The following ARSB variants were observed in gnomAD, a reference collection of about 807,000 sequenced individuals.
The protein encoded by ARSB is arylsulfatase B.
Under a neutral mutation model 50.9 loss-of-function variants are expected in ARSB, and 41 were observed. The observed-to-expected ratio is 0.81, with a 90% CI of 0.63 to 1.04. The LOEUF is 1.04. ARSB is among the 50% of genes least tolerant of loss of function. ARSB has a pLI of 0.00. For missense variants in ARSB, 672 were observed against 693.3 expected, an observed-to-expected ratio of 0.97 and a Z score of 0.35; for synonymous variants, 269 against 284.8, an observed-to-expected ratio of 0.94 and a Z score of 0.56.
At chr5:78,914,523 A>G (rs903808882) in intron 4 of ARSB, among the ~76,000 whole-genome samples, 4 of 152,328 alleles carry the variant, frequency 2.6e-5, no homozygotes, top group African/African-American at 7.2e-5. Flanking sequence ...TTATTTAACA[A>G]TATAAAAGAA....
chr5:78,954,671 A>AT, intron 4 of ARSB, among the ~76,000 whole-genome samples: 1 of 152,004 alleles, frequency 6.6e-6, no homozygotes, highest in Non-Finnish European at 1.5e-5. Flanking sequence ...TGCCCGGCTA[A>AT]TTTTTGCATT....
chr5:78,781,437 G>A (rs1327985352), intron 7 of ARSB, among the ~76,000 whole-genome samples: 1 of 144,484 alleles, frequency 6.9e-6, no homozygotes, highest in Non-Finnish European at 1.5e-5. Flanking sequence ...TTGTTACTTC[G>A]GTAAGCTTCT....
chr5:78,949,126 C>A (rs1561521072), intron 4 of ARSB, among the ~76,000 whole-genome samples: 1 of 152,168 alleles, frequency 6.6e-6, no homozygotes, highest in Non-Finnish European at 1.5e-5. Flanking sequence ...CCAGACAGCG[C>A]ACTGAGAATA....
At position 78,865,173 on chromosome 5, in the gene ARSB, C is replaced by T. The variant is rs576446623; in HGVS notation, c.1142+20411G>A. ...CCATCCTGCCCTAGCAGAGGTTCTC[C>T]GTGAGTATCCCACCCCTGCAGCAAA... is the stretch of plus-strand genomic sequence containing the variant. On this transcript the variant is annotated intron_variant, in intron 5 of 7. Transcript: ENST00000264914. Among the ~76,000 whole-genome samples the T allele has an allele frequency of 5.3e-5, 8 of 152,336 alleles. No homozygotes were observed. The East Asian group carries it at 5.8e-4, about 11-fold the overall frequency.
At chr5:78,940,292 C>A (rs192706802) in intron 4 of ARSB, among the ~76,000 whole-genome samples, 15 of 152,274 alleles carry the variant, frequency 9.9e-5, no homozygotes, top group African/African-American at 3.6e-4. Context: ...TTAATTAGAT[C>A]CCATTTGTCT....
chr5:78,977,419 G>A (rs1201979862), intron 1 of ARSB, among the ~76,000 whole-genome samples: 1 of 152,176 alleles, frequency 6.6e-6, no homozygotes. Flanking sequence ...CTCCCAAAGT[G>A]CTGGGATTAC....
intron 3 of ARSB, among the ~76,000 whole-genome samples, chr5:78,962,770 G>A (rs973390014): frequency 6.6e-6 from 1 of 152,070 alleles, no homozygotes; most frequent in Non-Finnish European, 1.5e-5. Context: ...ACATTTGATA[G>A]TGTAAATATA....
intron 4 of ARSB, among the ~76,000 whole-genome samples, chr5:78,935,815 C>A (rs943828677): frequency 6.6e-6 from 1 of 151,962 alleles, no homozygotes; most frequent in African/African-American, 2.4e-5. Flanking sequence ...AGTATCTTAC[C>A]CAAGATTGCA....
Position 78,950,245 on chromosome 5 carries a change from A to G in ARSB, c.898+5050T>C, listed in dbSNP as rs140147659. ...GAACAAGATGAAACCCCATCACAAC[A>G]TAAGAAACCAAGATGGACAGACAGC... On this transcript the variant is annotated intron_variant, in intron 4 of 7. Coordinates refer to ENST00000264914, the MANE Select transcript of ARSB (RefSeq NM_000046.5). Among the ~76,000 whole-genome samples, 745 of 152,300 alleles carry G rather than the reference A, an allele frequency of 4.9e-3. 4 individuals are homozygous for G. The highest frequency in any genetic ancestry group is 0.017 in the African/African-American group (716 of 41,564).
At chr5:78,822,629 GT>G in intron 6 of ARSB, among the ~76,000 whole-genome samples, 1 of 152,078 alleles carries the variant, frequency 6.6e-6, no homozygotes, top group South Asian at 2.1e-4. Context: ...TTCTAATCCT[GT>G]TTTTTTCTTC....
Position 78,885,666 on chromosome 5 carries a change from G to C in ARSB, c.1060C>G (p.Leu354Val). The change falls in exon 5 of 8, where the codon CTG (leucine) becomes GTG (valine). Residue 354 changes from leucine to valine, a missense_variant. By Grantham distance (32) the Leu-to-Val change is conservative. Coordinates refer to ENST00000264914, the MANE Select transcript of ARSB (RefSeq NM_000046.5). The part of the protein sequence containing the change: ...NRELIHISDW[L>V]PTLVKLARGH... Reference sequence around the variant, plus strand: ...CTGGCCAGCTTCACGAGTGTTGGCAGCCAGTCAGAGATGTGGATGAGCTCC... The same window carrying C: ...CTGGCCAGCTTCACGAGTGTTGGCACCCAGTCAGAGATGTGGATGAGCTCC... 5.0e-6 allele frequency: 8 copies of C among 1,614,094 alleles called. No individual in the cohort carries two copies. The highest frequency in any genetic ancestry group is 6.8e-6 in the Non-Finnish European group (8 of 1,180,024).
rs562680181 is a variant in ARSB at position 78,813,355 on chromosome 5, C to T, written c.1213+26001G>A. On this transcript the variant is annotated intron_variant, in intron 6 of 7. Coordinates refer to ENST00000264914, the MANE Select transcript of ARSB (RefSeq NM_000046.5). ...CTGAGTTTACAGGTGTGATCCACCA[C>T]GCCCAGCCAATATATTTTCATGAAC... Among the ~76,000 whole-genome samples, 497 of 152,322 alleles carry T rather than the reference C, an allele frequency of 3.3e-3. 2 individuals carry two copies. Among genetic ancestry groups the T allele is most frequent in the Admixed American group, 5.2e-3 (80 of 15,304 alleles).
chr5:78,848,154 T>G (rs1022189426), intron 5 of ARSB, among the ~76,000 whole-genome samples: 21 of 150,780 alleles, frequency 1.4e-4, no homozygotes, highest in Admixed American at 3.3e-4. Flanking sequence ...TGCCATGCTG[T>G]TGTGCTGCAC....
rs999670442 is a variant in ARSB, at chr5:78,915,679, A to AT, written c.899-29853dup. ...GGACCAGAAGTGTTTGGGATTTAAA[A>AT]TTTTTTTTGTGGGATATTTGCATAT... On this transcript the variant is annotated intron_variant, in intron 4 of 7. Transcript: ENST00000264914. Among the ~76,000 whole-genome samples, 3 of 152,172 alleles carry AT rather than the reference A, an allele frequency of 2.0e-5. 1 individual carries two copies. The highest frequency in any genetic ancestry group is 6.8e-3 in the Middle Eastern group (2 of 294).
At chr5:78,919,915 T>C (rs1749721061) in intron 4 of ARSB, among the ~76,000 whole-genome samples, 1 of 152,172 alleles carries the variant, frequency 6.6e-6, no homozygotes, top group Non-Finnish European at 1.5e-5. Context: ...GGCTTTCCAA[T>C]AAGGCAAACA....
chr5:78,860,984 C>T (rs1201335441), intron 5 of ARSB, among the ~76,000 whole-genome samples: 2 of 152,210 alleles, frequency 1.3e-5, no homozygotes, highest in African/African-American at 2.4e-5. Flanking sequence ...CTACAAACAC[C>T]TCTATGCAAA....
chr5:78,889,867 C>T (rs1327419098), intron 4 of ARSB, among the ~76,000 whole-genome samples: 1 of 152,190 alleles, frequency 6.6e-6, no homozygotes, highest in Non-Finnish European at 1.5e-5. Context: ...CATCCCTGTG[C>T]ATGCTTCAGC....
At chr5:78,913,184 G>A (rs1749383982) in intron 4 of ARSB, among the ~76,000 whole-genome samples, 1 of 151,706 alleles carries the variant, frequency 6.6e-6, no homozygotes, top group Non-Finnish European at 1.5e-5. Context: ...GAGTGCAGTG[G>A]CGCGATCTCC....
At chr5:78,938,973 T>C (rs1231604812) in intron 4 of ARSB, among the ~76,000 whole-genome samples, 2 of 152,212 alleles carry the variant, frequency 1.3e-5, no homozygotes, top group African/African-American at 4.8e-5. Flanking sequence ...GCACTGCAGA[T>C]GCCTGTTCAC....
Sources: gnomAD v4.1 joint callset for allele counts (sites outside exome capture counted in the v4.1 genomes callset) on GRCh38, gnomAD v4.1.1 for gene constraint, MANE v1.5 for transcripts, NCBI Gene and HGNC (gene_info 2026-07-23, HGNC 2026-07-21) for gene names.